CCBE1: variants seen among roughly 807,000 people sequenced by gnomAD.
The protein encoded by CCBE1 is collagen and calcium binding EGF domains 1.
CCBE1 carries 37 observed loss-of-function variants against 50.0 expected under a neutral mutation model. That is an observed-to-expected ratio of 0.74 (90% CI 0.57 to 0.97). The LOEUF is 0.97. Among genes scored for constraint, CCBE1 ranks in the 50% least tolerant of loss-of-function variants. The pLI, the probability that CCBE1 is intolerant of heterozygous loss-of-function variation, is 0.00. For missense variants in CCBE1, 538 were observed against 523.8 expected (o/e 1.03, Z -0.26); for synonymous variants, 234 against 203.7 (o/e 1.15, Z -1.27).
chr18:59,530,869 A>G (rs1290878537), intron 2 of CCBE1, among the ~76,000 whole-genome samples: 1 of 152,236 alleles, frequency 6.6e-6, no homozygotes, highest in East Asian at 1.9e-4. Flanking sequence ...ATCGTCTTCA[A>G]CAATAACTAT....
rs768755242 is a variant in CCBE1 at position 59,469,550 on chromosome 18, C to T, written c.323G>A (p.Arg108Gln). The stretch of plus-strand genomic sequence containing the variant: ...TCCCGGATAACAAGTACACAGCACT[C>T]GGCCAAAGTTGTCCGTGCACTGCTG... ...CEQQCTDNFG[R>Q]VLCTCYPGYR... The change falls in exon 4 of 11, where the codon CGA (arginine) becomes CAA (glutamine). Residue 108 changes from arginine to glutamine, a missense_variant. By Grantham distance (43) the Arg-to-Gln change is conservative (BLOSUM62 1). Transcript: ENST00000439986. The T allele has an allele frequency of 6.8e-6, 11 of 1,614,080 alleles. No individual in the cohort carries two copies. Among genetic ancestry groups the T allele is most frequent in the Middle Eastern group, 1.6e-4 (1 of 6,064 alleles).
At chr18:59,468,005 CAGAG>C (rs747660046) in intron 4 of CCBE1, among the ~76,000 whole-genome samples, 2 of 152,256 alleles carry the variant, frequency 1.3e-5, no homozygotes, top group Non-Finnish European at 2.9e-5. Context: ...CTGTACTGCC[CAGAG>C]AGAGAGGAGA....
intron 6 of CCBE1, among the ~76,000 whole-genome samples, chr18:59,448,328 C>G (rs1050537463): frequency 3.3e-5 from 5 of 152,134 alleles, no homozygotes; most frequent in African/African-American, 9.7e-5. Context: ...AGTAGGTGAG[C>G]TTAAATAAGC....
intron 5 of CCBE1, among the ~76,000 whole-genome samples, chr18:59,464,613 C>T (rs948594124): frequency 2.6e-5 from 4 of 152,252 alleles, no homozygotes; most frequent in African/African-American, 9.6e-5. Flanking sequence ...ATTCAAATCG[C>T]CCAATCCTAA....
chr18:59,532,465 T>G (rs948079016), intron 2 of CCBE1, among the ~76,000 whole-genome samples: 3 of 152,214 alleles, frequency 2.0e-5, no homozygotes, highest in African/African-American at 7.2e-5. Flanking sequence ...CCTGTACCAA[T>G]AGCTTGCTTC....
chr18:59,505,084 A>G (rs532178391), intron 2 of CCBE1, among the ~76,000 whole-genome samples: 69 of 152,340 alleles, frequency 4.5e-4, no homozygotes, highest in Middle Eastern at 3.4e-3. Flanking sequence ...CTTGGATTTC[A>G]TGGCCTCTAA....
At chr18:59,572,028 C>CA (rs1339992100) in intron 2 of CCBE1, among the ~76,000 whole-genome samples, 1 of 152,226 alleles carries the variant, frequency 6.6e-6, no homozygotes, top group Non-Finnish European at 1.5e-5. Flanking sequence ...CAAAGATTGA[C>CA]ACCAAAGTGG....
chr18:59,534,888 A>T (rs1198566766), intron 2 of CCBE1, among the ~76,000 whole-genome samples: 2 of 152,254 alleles, frequency 1.3e-5, no homozygotes, highest in Non-Finnish European at 2.9e-5. Flanking sequence ...TAAAAGTAGT[A>T]ATAAGTAATG....
chr18:59,685,390 GCA>G (rs1296768761), intron 2 of CCBE1, among the ~76,000 whole-genome samples: 2 of 152,132 alleles, frequency 1.3e-5, no homozygotes, highest in African/African-American at 4.8e-5. Flanking sequence ...GAGACACCAG[GCA>G]CAGTGACTGT....
chr18:59,591,530 C>T (rs1446168835), intron 2 of CCBE1, among the ~76,000 whole-genome samples: 1 of 151,980 alleles, frequency 6.6e-6, no homozygotes, highest in African/African-American at 2.4e-5. Flanking sequence ...TCCAAAAGCC[C>T]AAGAGAAAAA....
chr18:59,592,268 T>G (rs1009022834), intron 2 of CCBE1, among the ~76,000 whole-genome samples: 1 of 152,206 alleles, frequency 6.6e-6, no homozygotes, highest in African/African-American at 2.4e-5. Flanking sequence ...TTTCAGGCTA[T>G]GTGTATAAGG....
intron 2 of CCBE1, among the ~76,000 whole-genome samples, chr18:59,623,284 A>T (rs2053736470): frequency 6.6e-6 from 1 of 152,222 alleles, no homozygotes; most frequent in African/African-American, 2.4e-5. Context: ...AACCGCTGCC[A>T]TTCTGTGTCT....
At chr18:59,657,411 T>C (rs1320620898) in intron 2 of CCBE1, among the ~76,000 whole-genome samples, 1 of 152,230 alleles carries the variant, frequency 6.6e-6, no homozygotes, top group Non-Finnish European at 1.5e-5. Flanking sequence ...CGTCCCTGCC[T>C]CCATTTGTAT....
chr18:59,677,416 G>C (rs1244840064), intron 2 of CCBE1, among the ~76,000 whole-genome samples: 1 of 152,108 alleles, frequency 6.6e-6, no homozygotes, highest in East Asian at 1.9e-4. Context: ...ACTTGGACCT[G>C]TCGTCTTTGA....
At chr18:59,515,521 C>T (rs545054092) in intron 2 of CCBE1, among the ~76,000 whole-genome samples, 22 of 152,292 alleles carry the variant, frequency 1.4e-4, no homozygotes, top group African/African-American at 3.8e-4. Context: ...AGACCTGAAA[C>T]GCACGATATT....
intron 2 of CCBE1, chr18:59,564,030 G>T (rs1055570136): frequency 8.5e-5 from 13 of 152,180 alleles, no homozygotes; most frequent in African/African-American, 3.1e-4. Flanking sequence ...TAAGGGAGGT[G>T]TGTGAACAGC....
At chr18:59,482,368 A>G (rs1912612655) in intron 2 of CCBE1, among the ~76,000 whole-genome samples, 1 of 152,334 alleles carries the variant, frequency 6.6e-6, no homozygotes, top group Middle Eastern at 3.4e-3. Context: ...TAGTTCAACC[A>G]TTGTGGAAGA....
chr18:59,592,449 G>A (rs2053285499), intron 2 of CCBE1, among the ~76,000 whole-genome samples: 1 of 152,116 alleles, frequency 6.6e-6, no homozygotes, highest in South Asian at 2.1e-4. Flanking sequence ...GAGACAGATT[G>A]AATGAACTAT....
At chr18:59,654,795 A>AC (rs1281562860) in intron 2 of CCBE1, among the ~76,000 whole-genome samples, 1 of 150,732 alleles carries the variant, frequency 6.6e-6, no homozygotes, top group Admixed American at 6.6e-5. Flanking sequence ...CGTCTCCAAA[A>AC]AAAAAAAAAA....
Sources: allele counts gnomAD v4.1 joint callset (sites outside exome capture counted in the v4.1 genomes callset), GRCh38; gene constraint gnomAD v4.1.1; transcripts MANE v1.5; gene names NCBI Gene and HGNC (gene_info 2026-07-23, HGNC 2026-07-21).